GNAL: variants seen among roughly 807,000 people sequenced by gnomAD.
The protein encoded by GNAL is G protein subunit alpha L, also known as guanine nucleotide-binding protein G(olf) subunit alpha.
In GNAL, 18 loss-of-function variants were observed where a neutral mutation model predicts 55.1. The observed-to-expected ratio is 0.33, with a 90% CI of 0.23 to 0.48. The LOEUF (loss-of-function observed/expected upper bound fraction) is 0.48, where lower values mean the gene tolerates loss of function less well. GNAL is among the 20% of genes least tolerant of loss of function. The pLI is 0.99. For synonymous variants in GNAL, 253 were observed against 237.0 expected, an observed-to-expected ratio of 1.07 and a Z score of -0.62; for missense variants, 412 against 614.1, an observed-to-expected ratio of 0.67 and a Z score of 3.48.
In GNAL at chr18:11,789,178, G is replaced by A. The variant is rs111289186; in HGVS notation, c.624+35233G>A. On this transcript the variant is annotated intron_variant, in intron 4 of 11. Transcript: ENST00000334049. ...TGCCACAACACAGAGGAGCAGTTGAGGCCCTCAATCACTGTCCTAAGTAAC... is the reference window on the plus strand; with the variant it reads ...TGCCACAACACAGAGGAGCAGTTGAAGCCCTCAATCACTGTCCTAAGTAAC... 3.0e-3 allele frequency among the ~76,000 whole-genome samples: 462 copies of A among 152,002 alleles called. 1 individual carries two copies. Among genetic ancestry groups the A allele is most frequent in the African/African-American group, 0.011 (447 of 41,452 alleles).
At chr18:11,755,276 CGTTTGTTT>C (rs201705932) in intron 4 of GNAL, among the ~76,000 whole-genome samples, 3 of 151,708 alleles carry the variant, frequency 2.0e-5, no homozygotes, top group African/African-American at 2.4e-5. Flanking sequence ...TTTGTTTCTT[CGTTTGTTT>C]GTTTGTTTGT....
At chr18:11,706,766 T>C (rs534250722) in intron 1 of GNAL, among the ~76,000 whole-genome samples, 31 of 152,330 alleles carry the variant, frequency 2.0e-4, no homozygotes, top group African/African-American at 7.5e-4. Context: ...CCCATTAACA[T>C]TGTATCCTGA....
chr18:11,810,509 C>A (rs2034784028), intron 4 of GNAL: 1 of 152,272 alleles, frequency 6.6e-6, no homozygotes, highest in Non-Finnish European at 1.5e-5. Flanking sequence ...CATTGCCTGG[C>A]AGGTGTGAGC....
intron 4 of GNAL, among the ~76,000 whole-genome samples, chr18:11,804,197 TTGGA>T (rs1328676987): frequency 1.0e-5 from 1 of 96,114 alleles, no homozygotes. Flanking sequence ...CAGGTGCGGT[TTGGA>T]TGGAACACGG....
At position 11,882,158 on chromosome 18, in the gene GNAL, A is replaced by G. The variant is rs1196465683; in HGVS notation, c.*1023A>G. Reference sequence around the variant, plus strand: ...ACCAACATCACAAGCTGTTGCAACCACCTGCTGTTACTTCTCTGAGCTGTA... The same window carrying G: ...ACCAACATCACAAGCTGTTGCAACCGCCTGCTGTTACTTCTCTGAGCTGTA... On this transcript the variant is annotated 3_prime_UTR_variant, in exon 12 of 12. Transcript: ENST00000334049. 1 of 152,192 alleles carries G rather than the reference A, an allele frequency of 6.6e-6. No individual in the cohort carries two copies. Among genetic ancestry groups the G allele is most frequent in the Non-Finnish European group, 1.5e-5 (1 of 68,044 alleles). 9.4% of individuals were successfully genotyped at this position (152,192 alleles called of 1,614,324 possible).
rs766734287 is a variant in GNAL, at chr18:11,868,680, A to G, written c.1031+17A>G. On this transcript the variant is annotated intron_variant, in intron 9 of 11. Coordinates refer to ENST00000334049, the MANE Select transcript of GNAL (RefSeq NM_182978.4). This position sits in a 1 kb window ranked among gnomAD's most constrained non-coding sequence, Gnocchi z 4.0. ...GAACAACAGGTGACAAAAATAGCAAATTCAGTCTTACCATTGGATTGCAAA... is the reference window on the plus strand; with the variant it reads ...GAACAACAGGTGACAAAAATAGCAAGTTCAGTCTTACCATTGGATTGCAAA... 6.3e-7 allele frequency: 1 copy of G among 1,598,494 alleles called. No homozygotes were observed.
chr18:11,797,782 A>G, intron 4 of GNAL, among the ~76,000 whole-genome samples: 1 of 152,178 alleles, frequency 6.6e-6, no homozygotes, highest in Non-Finnish European at 1.5e-5. Flanking sequence ...AAAAAAAGAA[A>G]GAAAGAAATG....
In GNAL at chr18:11,757,791, G is replaced by A. The variant is rs141369598; in HGVS notation, c.624+3846G>A. 1.3e-3 allele frequency among the ~76,000 whole-genome samples: 196 copies of A among 152,302 alleles called. 1 individual carries two copies. Among genetic ancestry groups the A allele is most frequent in the Admixed American group, 2.9e-3 (44 of 15,308 alleles). The stretch of plus-strand genomic sequence containing the variant: ...TGAGGCCCCAGGAGGAGCCATTGCA[G>A]AAGGAAGGGATGTCAGCGGTGGGCA... On this transcript the variant is annotated intron_variant, in intron 4 of 11. Transcript: ENST00000334049.
intron 3 of GNAL, 59 bp downstream of exon 3, chr18:11,753,741 C>A: frequency 6.8e-7 from 1 of 1,468,814 alleles, no homozygotes; most frequent in Non-Finnish European, 9.5e-7. Flanking sequence ...CATTCTAAAA[C>A]TGTGTAGACA....
At chr18:11,821,445 GTTTTGTGAGAGTTAAATGCGATCATGTGT>G (rs893245076) in intron 4 of GNAL, among the ~76,000 whole-genome samples, 2 of 152,202 alleles carry the variant, frequency 1.3e-5, no homozygotes, top group African/African-American at 4.8e-5. Context: ...ACCTCTTCCA[GTTTTGTGAGAGTTAAATGCGATCATGTGT>G]TAAAGTACTG....
intron 4 of GNAL, among the ~76,000 whole-genome samples, chr18:11,808,646 A>G (rs915863018): frequency 1.3e-5 from 2 of 152,252 alleles, no homozygotes; most frequent in African/African-American, 2.4e-5. Flanking sequence ...TCCCATTCCC[A>G]GGCATGTATC....
rs1647556 is a variant in GNAL at position 11,824,881 on chromosome 18, T to A, written c.625-37T>A. Reference sequence around the variant, plus strand: ...TTAACTTTTTAAAAGGTTATTACACTTTTTTTTTTTTAATTTGTAACTCTT... The same window carrying A: ...TTAACTTTTTAAAAGGTTATTACACATTTTTTTTTTTAATTTGTAACTCTT... On this transcript the variant is annotated intron_variant, in intron 4 of 11. Transcript: ENST00000334049. 0.78 allele frequency: 838,494 copies of A among 1,073,952 alleles called. 325,224 individuals carry two copies. Among genetic ancestry groups the A allele is most frequent in the Admixed American group, 0.87 (42,629 of 48,886 alleles). 66.5% of individuals were successfully genotyped at this position (1,073,952 alleles called of 1,614,324 possible). A position where few individuals can be genotyped will look rare whatever the true frequency, so the allele number is the denominator to read the frequency against.
At chr18:11,878,373 C>G (rs1023027555) in intron 11 of GNAL, among the ~76,000 whole-genome samples, 1 of 152,124 alleles carries the variant, frequency 6.6e-6, no homozygotes, top group African/African-American at 2.4e-5. Flanking sequence ...ATCCCTTGAG[C>G]CTAGGAATTT....
rs554256845 is a variant in GNAL at position 11,802,998 on chromosome 18, G to T, written c.625-21920G>T. Among the ~76,000 whole-genome samples, 16 of 152,244 alleles carry T rather than the reference G, an allele frequency of 1.1e-4. 1 individual carries two copies. The South Asian group carries it at 3.3e-3, about 32-fold the overall frequency. On this transcript the variant is annotated intron_variant, in intron 4 of 11. Coordinates refer to ENST00000334049, the MANE Select transcript of GNAL (RefSeq NM_182978.4). ...GAATGGGGAGGTCAGATGACGAGAG[G>T]CTTTAGGTTTCACTTGGAGATGGAA...
In GNAL at chr18:11,689,574, G is replaced by A; in HGVS notation, c.11G>A (p.Cys4Tyr). Residue 4 changes from cysteine to tyrosine, a missense_variant, in exon 1 of 12, where the codon TGC (cysteine) becomes TAC (tyrosine). Cys to Tyr is a radical substitution (Grantham distance 194). Around this residue, in one of 5 missense-constraint regions of GNAL, gnomAD observed 228 missense variants for 194.8 expected, o/e 1.17. Coordinates refer to ENST00000334049, the MANE Select transcript of GNAL (RefSeq NM_182978.4). Reference protein sequence around the residue: MGLCYSLRPLLFGG... With the variant: MGLYYSLRPLLFGG... ...CTGTGCCGCGCCCACATGGGTCTGT[G>A]CTACAGTCTGCGGCCGCTGCTTTTC... The A allele has an allele frequency of 7.5e-7, 1 of 1,326,674 alleles. No homozygotes were observed. Among genetic ancestry groups the A allele is most frequent in the Non-Finnish European group, 9.5e-7 (1 of 1,047,128 alleles). 82.2% of individuals were successfully genotyped at this position (1,326,674 alleles called of 1,614,324 possible). A position where few individuals can be genotyped will look rare whatever the true frequency, so the allele number is the denominator to read the frequency against.
chr18:11,699,366 T>G (rs1422103264), intron 1 of GNAL, among the ~76,000 whole-genome samples: 4 of 150,842 alleles, frequency 2.7e-5, no homozygotes, highest in Non-Finnish European at 4.4e-5. Flanking sequence ...GGCTAATTTT[T>G]GGGGTTTTTT....
At chr18:11,837,836 A>G (rs144554583) in intron 5 of GNAL, among the ~76,000 whole-genome samples, 500 of 152,358 alleles carry the variant, frequency 3.3e-3, no homozygotes, top group Middle Eastern at 0.01. Flanking sequence ...AGCATTATTC[A>G]TAATAATCAA....
intron 7 of GNAL, among the ~76,000 whole-genome samples, chr18:11,866,862 T>A (rs2036274270): frequency 7.2e-6 from 1 of 139,808 alleles, no homozygotes; most frequent in Admixed American, 6.8e-5. Flanking sequence ...ATTACTGAGC[T>A]AGTAACCACT....
intron 4 of GNAL, among the ~76,000 whole-genome samples, chr18:11,774,927 C>T: frequency 6.6e-6 from 1 of 152,198 alleles, no homozygotes. Context: ...CTGTAGCTCA[C>T]TACATGAGCC....
Sources: allele counts gnomAD v4.1 joint callset (sites outside exome capture counted in the v4.1 genomes callset), GRCh38; gene constraint gnomAD v4.1.1; regional missense constraint gnomAD v4.1.1; non-coding constraint Gnocchi (gnomAD v3.1); transcripts MANE v1.5; gene names NCBI Gene and HGNC (gene_info 2026-07-23, HGNC 2026-07-21).